Variants in TULP4 observed in about 807,000 individuals in gnomAD.
TULP4 encodes the protein tubby-related protein 4.
In TULP4, 16 loss-of-function variants were observed where a neutral mutation model predicts 129.0. That is an observed-to-expected ratio of 0.12 (90% confidence interval 0.08 to 0.19). The LOEUF is 0.19. Ranked by LOEUF, TULP4 falls within the 10% of genes least tolerant of loss-of-function variation. The probability of loss-of-function intolerance (pLI) is 1.00; values close to 1 mark genes in which losing one functional copy is unlikely to be tolerated. For synonymous variants in TULP4, 998 were observed against 854.0 expected (o/e 1.17, Z -2.94); for missense variants, 1,842 against 2,059.1 (o/e 0.89, Z 2.04).
chr6:158,318,952 C>T (rs940452133), intron 1 of TULP4, among the ~76,000 whole-genome samples: 12 of 147,172 alleles, frequency 8.2e-5, no homozygotes, highest in African/African-American at 2.3e-4. Flanking sequence ...TGCTGTGTTG[C>T]CCAGGCTGGT....
At chr6:158,388,120 A>G (rs1266069455) in intron 1 of TULP4, among the ~76,000 whole-genome samples, 5 of 152,148 alleles carry the variant, frequency 3.3e-5, no homozygotes, top group Non-Finnish European at 5.9e-5. Flanking sequence ...AGTATCTAAA[A>G]TGGTTTAGCC....
chr6:158,469,793 A>C (rs659813), intron 6 of TULP4, among the ~76,000 whole-genome samples: 63,045 of 151,132 alleles, frequency 0.42, 14,437 homozygotes, highest in African/African-American at 0.62. Flanking sequence ...AACTTTGGGT[A>C]GTGGAGTGAT....
intron 1 of TULP4, among the ~76,000 whole-genome samples, chr6:158,272,346 G>A (rs772535490): frequency 2.0e-5 from 3 of 152,066 alleles, no homozygotes; most frequent in African/African-American, 7.2e-5. Flanking sequence ...GCCAAGAATT[G>A]TTGTTCAGTA....
chr6:158,353,803 G>C (rs1780580888), intron 1 of TULP4, among the ~76,000 whole-genome samples: 2 of 152,116 alleles, frequency 1.3e-5, no homozygotes, highest in Non-Finnish European at 2.9e-5. Flanking sequence ...AATTGTTTCT[G>C]GAGATTAAAA....
At chr6:158,348,191 T>C (rs1780362210) in intron 1 of TULP4, among the ~76,000 whole-genome samples, 1 of 104,954 alleles carries the variant, frequency 9.5e-6, no homozygotes, top group Non-Finnish European at 2.1e-5. Flanking sequence ...TTTTTTTTAG[T>C]ATTTATTGAT....
intron 1 of TULP4, among the ~76,000 whole-genome samples, chr6:158,283,247 T>G (rs1778788526): frequency 6.6e-6 from 1 of 152,180 alleles, no homozygotes; most frequent in Non-Finnish European, 1.5e-5. Context: ...TTTTGCCAAC[T>G]TGTAACTATT....
chr6:158,502,001 C>G lies in TULP4; in HGVS notation c.2338C>G (p.Gln780Glu). Residue 780 changes from glutamine (Q) to glutamate (E), a missense_variant, in exon 13 of 14, where the codon CAG becomes GAG. Transcript: ENST00000367097. ...PPPLSLPPPP[Q>E]GPMQLSTVGH... ...TCCACTGTCCCTGCCTCCCCCGCCG[C>G]AGGGGCCCATGCAGCTGTCCACGGT... 1 of 1,613,894 alleles carries G rather than the reference C, an allele frequency of 6.2e-7. No homozygotes were observed.
intron 6 of TULP4, among the ~76,000 whole-genome samples, chr6:158,466,197 T>C (rs555061205): frequency 1.2e-3 from 189 of 152,334 alleles, no homozygotes; most frequent in Non-Finnish European, 2.0e-3. Context: ...CTTCCTGTCA[T>C]GGCTGGGAAT....
chr6:158,401,880 G>A (rs1272014647), intron 1 of TULP4, among the ~76,000 whole-genome samples: 1 of 151,904 alleles, frequency 6.6e-6, no homozygotes, highest in Non-Finnish European at 1.5e-5. Flanking sequence ...TTTTGTAAGA[G>A]TGTTTCCATC....
chr6:158,402,259 C>T (rs949684867), intron 1 of TULP4, among the ~76,000 whole-genome samples: 5 of 152,004 alleles, frequency 3.3e-5, no homozygotes, highest in African/African-American at 1.2e-4. Flanking sequence ...CCCTTCCCCA[C>T]CCCTCAGTTA....
In TULP4 at chr6:158,236,795, CTT is replaced by C. The variant is rs71030149; in HGVS notation, n.68+4527_68+4528del. On this transcript the variant is annotated intron_variant and non_coding_transcript_variant, in intron 1 of 1. Transcript: ENST00000620026. ...AGATGGGTAAATGCCCAATTCTTTT[CTT>C]TTTTTTTTTTTTTTTTTTTTTTTTT... Among the ~76,000 whole-genome samples the C allele has an allele frequency of 3.7e-3, 235 of 63,270 alleles. 4 individuals carry two copies. The highest frequency in any genetic ancestry group is 0.014 in the African/African-American group (191 of 13,908). 41.5% of individuals were successfully genotyped at this position (63,270 alleles called of 152,430 possible).
chr6:158,243,978 A>G (rs962870874), intron 1 of TULP4, among the ~76,000 whole-genome samples: 5 of 151,954 alleles, frequency 3.3e-5, no homozygotes, highest in African/African-American at 1.2e-4. Context: ...CCCTTGATTT[A>G]CCAGTTTTCA....
intron 6 of TULP4, among the ~76,000 whole-genome samples, chr6:158,465,451 T>G (rs1779533902): frequency 6.6e-6 from 1 of 152,224 alleles, no homozygotes; most frequent in Non-Finnish European, 1.5e-5. Context: ...AATTCTTCTG[T>G]GAACATGGGT....
intron 2 of TULP4, among the ~76,000 whole-genome samples, chr6:158,415,496 C>T (rs1193369736): frequency 6.6e-6 from 1 of 151,086 alleles, no homozygotes; most frequent in Non-Finnish European, 1.5e-5. Context: ...ACTACAGACA[C>T]CCACCACCAC....
chr6:158,375,409 G>T (rs1028931147), intron 1 of TULP4, among the ~76,000 whole-genome samples: 1 of 152,142 alleles, frequency 6.6e-6, no homozygotes, highest in Non-Finnish European at 1.5e-5. Flanking sequence ...AATGAGAGGT[G>T]GTCTTTCCCT....
intron 1 of TULP4, among the ~76,000 whole-genome samples, chr6:158,331,560 C>G (rs561428651): frequency 2.0e-5 from 3 of 150,638 alleles, no homozygotes; most frequent in Admixed American, 1.3e-4. Context: ...TTACCCTGCC[C>G]TGGGTCTGGA....
At chr6:158,479,604 T>C (rs1157035787) in intron 6 of TULP4, 147 bp from the exon 7 acceptor site, 3 of 717,692 alleles carry the variant, frequency 4.2e-6, no homozygotes, top group Admixed American at 2.9e-5. Flanking sequence ...TTTCGTAATA[T>C]AGTGTCTAAC....
chr6:158,317,176 T>C (rs1779510371), intron 1 of TULP4, among the ~76,000 whole-genome samples: 1 of 66,578 alleles, frequency 1.5e-5, no homozygotes, highest in Admixed American at 2.3e-4. Flanking sequence ...ATTGCATTTT[T>C]ACTTTTTTGG....
At chr6:158,461,404 T>G (rs916759912) in intron 5 of TULP4, among the ~76,000 whole-genome samples, 159 bp from the exon 6 acceptor site, 4 of 138,386 alleles carry the variant, frequency 2.9e-5, no homozygotes, top group African/African-American at 8.7e-5. Context: ...GGAGTGAAAC[T>G]CCGTCTCAAA....
Sources: allele counts gnomAD v4.1 joint callset (sites outside exome capture counted in the v4.1 genomes callset), GRCh38; gene constraint gnomAD v4.1.1; transcripts MANE v1.5; gene names NCBI Gene and HGNC (gene_info 2026-07-23, HGNC 2026-07-21).